FSIP1: variants seen among roughly 807,000 people sequenced by gnomAD.
FSIP1 encodes fibrous sheath interacting protein 1, also known as fibrous sheath-interacting protein 1.
Under a neutral mutation model 60.9 loss-of-function variants are expected in FSIP1, and 65 were observed. That is an observed-to-expected ratio of 1.07 (90% CI 0.87 to 1.31). The LOEUF (loss-of-function observed/expected upper bound fraction) is 1.31. Ranked by LOEUF, FSIP1 falls within the 40% of genes most tolerant of loss-of-function variation. The probability of loss-of-function intolerance (pLI) is 0.00; values close to 1 mark genes in which losing one functional copy is unlikely to be tolerated. For synonymous variants in FSIP1, 209 were observed against 221.2 expected, an observed-to-expected ratio of 0.94 and a Z score of 0.49; for missense variants, 675 against 665.5, an observed-to-expected ratio of 1.01 and a Z score of -0.16.
chr15:39,754,720 G>C (rs777347608), intron 5 of FSIP1, among the ~76,000 whole-genome samples: 8 of 151,712 alleles, frequency 5.3e-5, no homozygotes, highest in Admixed American at 3.3e-4. Context: ...TATAAAAGAA[G>C]GAATAAGTTT....
At chr15:39,720,553 T>A (rs1895914929) in intron 9 of FSIP1, among the ~76,000 whole-genome samples, 1 of 152,174 alleles carries the variant, frequency 6.6e-6, no homozygotes, top group African/African-American at 2.4e-5. Flanking sequence ...GCTGACTTCA[T>A]GAGAGATGAA....
At chr15:39,631,162 T>C (rs60195210) in intron 10 of FSIP1, among the ~76,000 whole-genome samples, 27,551 of 152,132 alleles carry the variant, frequency 0.18, 3,041 homozygotes, top group East Asian at 0.32. Flanking sequence ...ATGCTTTCTT[T>C]GGGTGCTCCT....
At chr15:39,754,710 T>A (rs957890677) in intron 5 of FSIP1, among the ~76,000 whole-genome samples, 1 of 151,460 alleles carries the variant, frequency 6.6e-6, no homozygotes, top group African/African-American at 2.4e-5. Flanking sequence ...AGAGAAAACA[T>A]ATAAAAGAAG....
At chr15:39,615,742 A>T (rs965310778) in intron 11 of FSIP1, among the ~76,000 whole-genome samples, 12 of 151,782 alleles carry the variant, frequency 7.9e-5, no homozygotes, top group African/African-American at 2.4e-4. Context: ...AAAAAAAAAA[A>T]AAAGTCAAAC....
At chr15:39,751,418 A>AACACACACACACAC (rs3065153) in intron 5 of FSIP1, among the ~76,000 whole-genome samples, 148 of 144,864 alleles carry the variant, frequency 1.0e-3, no homozygotes, top group Middle Eastern at 3.5e-3. Flanking sequence ...GTAATACATA[A>AACACACACACACAC]ACACACACAC....
chr15:39,689,368 G>T (rs939360831), intron 10 of FSIP1, among the ~76,000 whole-genome samples: 53 of 152,136 alleles, frequency 3.5e-4, no homozygotes, highest in Non-Finnish European at 6.0e-4. Flanking sequence ...CATTGGTGAT[G>T]AGCTTAATCT....
intron 10 of FSIP1, among the ~76,000 whole-genome samples, chr15:39,653,877 A>C (rs1892971573): frequency 6.6e-6 from 1 of 152,248 alleles, no homozygotes; most frequent in Non-Finnish European, 1.5e-5. Flanking sequence ...AGTCTCAGGT[A>C]TGCCTTCATC....
chr15:39,766,402 T>C (rs1379718515), intron 3 of FSIP1, among the ~76,000 whole-genome samples: 1 of 152,254 alleles, frequency 6.6e-6, no homozygotes, highest in Non-Finnish European at 1.5e-5. Flanking sequence ...CTAACATTTA[T>C]AGAGTTACCT....
Position 39,617,923 on chromosome 15 carries a change from A to G in FSIP1, c.1511T>C (p.Met504Thr), listed in dbSNP as rs777355700. Residue 504 changes from methionine (M) to threonine (T), a missense_variant, in exon 11 of 12, where the codon ATG (methionine) becomes ACG (threonine). Met to Thr is a moderately conservative substitution (Grantham distance 81). Coordinates refer to ENST00000350221, the MANE Select transcript of FSIP1 (RefSeq NM_152597.5). ...GTCCTTGGAAAATTGAAGGCATTTCATATTCTCTGCTTCAGTGACAAGAGC... is the reference window on the plus strand; with the variant it reads ...GTCCTTGGAAAATTGAAGGCATTTCGTATTCTCTGCTTCAGTGACAAGAGC... Reference protein sequence around the residue: ...SEALVTEAENMKCLQFSKDVI... With the variant: ...SEALVTEAENTKCLQFSKDVI... 3 of 1,614,208 alleles carry G rather than the reference A, an allele frequency of 1.9e-6. No homozygotes were observed. Among genetic ancestry groups the G allele is most frequent in the Non-Finnish European group, 2.5e-6 (3 of 1,180,030 alleles).
chr15:39,675,165 G>A (rs935692227), intron 10 of FSIP1, among the ~76,000 whole-genome samples: 28 of 152,004 alleles, frequency 1.8e-4, no homozygotes, highest in African/African-American at 1.7e-4. Context: ...TTTTTAAGTC[G>A]GATAGTAGCC....
At chr15:39,637,789 C>A (rs1271873486) in intron 10 of FSIP1, among the ~76,000 whole-genome samples, 2 of 150,976 alleles carry the variant, frequency 1.3e-5, no homozygotes, top group African/African-American at 4.9e-5. Context: ...ATATGTAAGG[C>A]AACCAGGAAA....
At chr15:39,749,585 T>C (rs894916381) in intron 5 of FSIP1, among the ~76,000 whole-genome samples, 2 of 152,098 alleles carry the variant, frequency 1.3e-5, no homozygotes, top group African/African-American at 4.8e-5. Context: ...ATCATTTCAA[T>C]TGATGCAGAA....
In FSIP1 at chr15:39,739,516, TA is replaced by T; in HGVS notation, c.780+148del. Reference sequence around the variant, plus strand: ...ATAGAAATAATGAAGTACTGGTTCATAAAAGTTTTCTTTCATTATATCTACT... The same window carrying T: ...ATAGAAATAATGAAGTACTGGTTCATAAAGTTTTCTTTCATTATATCTACT... On this transcript the variant is annotated intron_variant, in intron 7 of 11. Transcript: ENST00000350221. The T allele has an allele frequency of 5.9e-6, 4 of 679,424 alleles. No individual in the cohort carries two copies. In the East Asian group the frequency reaches 1.3e-4, roughly 21 times the overall value. 42.1% of individuals were successfully genotyped at this position (679,424 alleles called of 1,614,324 possible). A position where few individuals can be genotyped will look rare whatever the true frequency, so the allele number is the denominator to read the frequency against.
chr15:39,603,749 T>C (rs578170250), intron 11 of FSIP1, among the ~76,000 whole-genome samples: 2 of 152,140 alleles, frequency 1.3e-5, no homozygotes, highest in African/African-American at 2.4e-5. Flanking sequence ...AAAGCAGACA[T>C]TCAGCAGATG....
intron 10 of FSIP1, among the ~76,000 whole-genome samples, chr15:39,627,947 C>T (rs979003882): frequency 2.0e-5 from 3 of 152,242 alleles, no homozygotes; most frequent in Non-Finnish European, 4.4e-5. Context: ...CCAAACCAAA[C>T]AGCGTGGGCC....
rs114837415 is a variant in FSIP1, at chr15:39,754,294, T to C, written c.559+9527A>G. On this transcript the variant is annotated intron_variant, in intron 5 of 11. Transcript: ENST00000350221. ...AAATGACTGTAGCCCCGGCAACCAT[T>C]TGACAGGAGGGATCTTGAGTCGGAA... Among the ~76,000 whole-genome samples the C allele has an allele frequency of 2.0e-3, 310 of 152,162 alleles. 1 individual carries two copies. The highest frequency in any genetic ancestry group is 6.8e-3 in the African/African-American group (284 of 41,526).
intron 10 of FSIP1, among the ~76,000 whole-genome samples, chr15:39,646,520 CAAAAAAAAAAA>C (rs71132108): frequency 7.4e-5 from 2 of 27,088 alleles, no homozygotes; most frequent in African/African-American, 1.9e-4. Flanking sequence ...CTCATCTCTA[CAAAAAAAAAAA>C]AAAAAAAAAA....
intron 3 of FSIP1, among the ~76,000 whole-genome samples, chr15:39,766,832 A>ACTT (rs141611716): frequency 5.9e-5 from 9 of 151,982 alleles, no homozygotes; most frequent in East Asian, 1.9e-4. Flanking sequence ...AATGTGCATC[A>ACTT]CTTCTTCTTC....
At chr15:39,690,926 C>A (rs1344553940) in intron 10 of FSIP1, among the ~76,000 whole-genome samples, 12 of 152,222 alleles carry the variant, frequency 7.9e-5, no homozygotes, top group Admixed American at 7.9e-4. Context: ...TCCCTTTGGG[C>A]CCCTTGGAGT....
Sources: allele counts gnomAD v4.1 joint callset (sites outside exome capture counted in the v4.1 genomes callset), GRCh38; gene constraint gnomAD v4.1.1; transcripts MANE v1.5; gene names NCBI Gene and HGNC (gene_info 2026-07-23, HGNC 2026-07-21).